Variants in PAIP2 observed in about 807,000 individuals in gnomAD.
The protein encoded by PAIP2 is poly(A) binding protein interacting protein 2.
A neutral mutation model predicts 14.8 loss-of-function variants in PAIP2; 7 were observed. The ratio of observed to expected loss-of-function variants is 0.47; its 90% CI spans 0.27 to 0.89. The LOEUF is 0.89. PAIP2 is among the 40% of genes least tolerant of loss of function. PAIP2 has a pLI of 0.13. For synonymous variants in PAIP2, 47 were observed against 45.3 expected, an observed-to-expected ratio of 1.04 and a Z score of -0.15; for missense variants, 122 against 154.7, an observed-to-expected ratio of 0.79 and a Z score of 1.12.
intron 1 of PAIP2, among the ~76,000 whole-genome samples, chr5:139,361,935 C>CAA (rs34168919): frequency 0.025 from 2,518 of 99,682 alleles, 73 homozygotes; most frequent in Non-Finnish European, 0.039. Flanking sequence ...GACCCTGTCT[C>CAA]AAAAAAAAAA....
intron 1 of PAIP2, chr5:139,342,555 C>T (rs1327578373): frequency 2.6e-5 from 4 of 152,162 alleles, no homozygotes; most frequent in Non-Finnish European, 4.4e-5. Flanking sequence ...GTTTCTTCGC[C>T]ATCGCTACCC....
intron 1 of PAIP2, among the ~76,000 whole-genome samples, chr5:139,357,603 C>T (rs940597599): frequency 8.7e-4 from 132 of 152,182 alleles, no homozygotes; most frequent in African/African-American, 2.9e-3. Flanking sequence ...GAGGCTGAAG[C>T]GGGCGGATCA....
At chr5:139,353,589 C>G (rs976193319) in intron 1 of PAIP2, among the ~76,000 whole-genome samples, 2 of 152,116 alleles carry the variant, frequency 1.3e-5, no homozygotes, top group African/African-American at 4.8e-5. Flanking sequence ...TGTCGCCCAC[C>G]ATTATTACAT....
intron 3 of PAIP2, among the ~76,000 whole-genome samples, chr5:139,365,876 C>A (rs1424073308): frequency 6.6e-6 from 1 of 152,086 alleles, no homozygotes; most frequent in East Asian, 1.9e-4. Flanking sequence ...CTTGCCTATA[C>A]AGAAGTAGCT....
chr5:139,358,238 C>T (rs1756972482), intron 1 of PAIP2, among the ~76,000 whole-genome samples: 1 of 152,162 alleles, frequency 6.6e-6, no homozygotes, highest in East Asian at 1.9e-4. Context: ...AGTTCTTTGT[C>T]ATGGAAATGA....
chr5:139,368,703 A>G lies in PAIP2; in HGVS notation c.319-30A>G, dbSNP rs752481539. 3.3e-6 allele frequency: 5 copies of G among 1,524,844 alleles called. No homozygotes were observed. The African/African-American group carries it at 6.8e-5, about 21-fold the overall frequency. 94.5% of individuals were successfully genotyped at this position (1,524,844 alleles called of 1,614,324 possible). On this transcript the variant is annotated intron_variant, in intron 3 of 3. Coordinates refer to ENST00000265192, the MANE Select transcript of PAIP2 (RefSeq NM_016480.5). ...ATTAGTACCTGAAACTGTGTTAATG[A>G]ACTTGCTTTTTTATGTACTTATTTT...
At chr5:139,346,800 G>A (rs1439799468) in intron 1 of PAIP2, among the ~76,000 whole-genome samples, 3 of 151,772 alleles carry the variant, frequency 2.0e-5, no homozygotes, top group Non-Finnish European at 2.9e-5. Context: ...AGTGCTGGGC[G>A]TGAGCTGCTG....
chr5:139,355,526 TA>T (rs1164862810), intron 1 of PAIP2, among the ~76,000 whole-genome samples: 3 of 152,206 alleles, frequency 2.0e-5, no homozygotes, highest in East Asian at 3.8e-4. Flanking sequence ...TGGTTCCTTT[TA>T]TTTTTTTCTA....
intron 3 of PAIP2, among the ~76,000 whole-genome samples, chr5:139,366,436 C>T (rs974806482): frequency 1.1e-4 from 17 of 152,132 alleles, no homozygotes; most frequent in African/African-American, 4.1e-4. Context: ...TTGCCTGAGT[C>T]GGTCATTTGG....
intron 1 of PAIP2, chr5:139,342,453 GGA>G (rs1756411336): frequency 2.0e-5 from 3 of 152,290 alleles, no homozygotes; most frequent in South Asian, 2.1e-4. Flanking sequence ...TGGGGTTTGG[GGA>G]GAGAGGGGCG....
rs113652416 is a variant in PAIP2, at chr5:139,354,822, C to CTT, written c.-26-8922_-26-8921dup. ...AGTAAATTTTTCATTTCAGTTGTAC[C>CTT]TTTTTTTTTTTTTTTTGAGATGGAG... On this transcript the variant is annotated intron_variant, in intron 1 of 3. Transcript: ENST00000265192. Among the ~76,000 whole-genome samples, 873 of 139,438 alleles carry CTT rather than the reference C, an allele frequency of 6.3e-3. 5 individuals are homozygous for CTT. The highest frequency in any genetic ancestry group is 0.021 in the African/African-American group (817 of 38,210). 91.5% of individuals were successfully genotyped at this position (139,438 alleles called of 152,430 possible). A position where few individuals can be genotyped will look rare whatever the true frequency, so the allele number is the denominator to read the frequency against.
intron 3 of PAIP2, among the ~76,000 whole-genome samples, chr5:139,365,994 G>C (rs1355193334): frequency 6.6e-6 from 1 of 152,112 alleles, no homozygotes; most frequent in Non-Finnish European, 1.5e-5. Flanking sequence ...GAGGTCAAGA[G>C]TTCGAGACCA....
chr5:139,367,510 T>TC (rs1757332824), intron 3 of PAIP2: 1 of 151,776 alleles, frequency 6.6e-6, no homozygotes, highest in Admixed American at 6.6e-5. Context: ...AAAATTTGAA[T>TC]CCCAGAGAAA....
intron 1 of PAIP2, among the ~76,000 whole-genome samples, chr5:139,363,413 G>A (rs1308222734): frequency 6.6e-6 from 1 of 152,040 alleles, no homozygotes; most frequent in Non-Finnish European, 1.5e-5. Flanking sequence ...ATAATAAACA[G>A]ATGCTCACTA....
intron 1 of PAIP2, among the ~76,000 whole-genome samples, chr5:139,362,870 T>G (rs1448204825): frequency 2.0e-5 from 3 of 152,162 alleles, no homozygotes; most frequent in Non-Finnish European, 4.4e-5. Context: ...GCAAGTGATA[T>G]GTAATATAAA....
chr5:139,352,501 TG>T (rs1288839250), intron 1 of PAIP2, among the ~76,000 whole-genome samples: 10 of 92,676 alleles, frequency 1.1e-4, no homozygotes, highest in African/African-American at 2.7e-4. Context: ...TTTTTTTTGT[TG>T]TTTTTTTTTT....
Position 139,350,870 on chromosome 5 carries a change from T to G in PAIP2, c.-27+8890T>G, listed in dbSNP as rs1756710063. ...CAGAATAGATTCAGACAAATGGGAA[T>G]TCAATTATGATAAACATGAGGAATA... On this transcript the variant is annotated intron_variant, in intron 1 of 3. Transcript: ENST00000265192. Among the ~76,000 whole-genome samples the G allele has an allele frequency of 2.0e-5, 3 of 152,080 alleles. No homozygotes were observed. In the South Asian group the frequency reaches 6.2e-4, roughly 32 times the overall value.
chr5:139,356,613 C>G (rs1647505278), intron 1 of PAIP2, among the ~76,000 whole-genome samples: 1 of 152,078 alleles, frequency 6.6e-6, no homozygotes, highest in Non-Finnish European at 1.5e-5. Flanking sequence ...GGCACGGTGA[C>G]TTACGCCTGT....
At chr5:139,350,963 T>C (rs1408256133) in intron 1 of PAIP2, among the ~76,000 whole-genome samples, 1 of 152,080 alleles carries the variant, frequency 6.6e-6, no homozygotes, top group African/African-American at 2.4e-5. Flanking sequence ...ATTCAAATGT[T>C]CACATGAACT....
Sources: gnomAD v4.1 joint callset for allele counts (sites outside exome capture counted in the v4.1 genomes callset) on GRCh38, gnomAD v4.1.1 for gene constraint, MANE v1.5 for transcripts, NCBI Gene and HGNC (gene_info 2026-07-23, HGNC 2026-07-21) for gene names.